Variants in RNF19B observed in about 807,000 individuals in gnomAD.
RNF19B encodes E3 ubiquitin-protein ligase RNF19B.
A neutral mutation model predicts 65.5 loss-of-function variants in RNF19B; 23 were observed. The observed-to-expected ratio is 0.35, with a 90% confidence interval of 0.25 to 0.50. The LOEUF (loss-of-function observed/expected upper bound fraction) is 0.50. RNF19B is among the 20% of genes least tolerant of loss of function. The pLI, the probability that RNF19B is intolerant of heterozygous loss-of-function variation, is 0.98. For synonymous variants in RNF19B, 372 were observed against 379.6 expected, an observed-to-expected ratio of 0.98 and a Z score of 0.23; for missense variants, 794 against 980.0, an observed-to-expected ratio of 0.81 and a Z score of 2.53.
chr1:32,948,995 C>T (rs1642428935), intron 2 of RNF19B, among the ~76,000 whole-genome samples: 1 of 152,214 alleles, frequency 6.6e-6, no homozygotes. Flanking sequence ...ATCTTTCCTA[C>T]TAGCCTCTCC....
At position 32,964,627 on chromosome 1, in the gene RNF19B, G is replaced by A; in HGVS notation, c.59C>T (p.Pro20Leu). 6.8e-7 allele frequency: 1 copy of A among 1,473,174 alleles called. No homozygotes were observed. Among genetic ancestry groups the A allele is most frequent in the East Asian group, 3.1e-5 (1 of 32,610 alleles). 91.3% of individuals were successfully genotyped at this position (1,473,174 alleles called of 1,614,324 possible). ...PRSTSLHAAAPDPKCRSGGRR... is the reference protein window; with the variant it reads ...PRSTSLHAAALDPKCRSGGRR... ...GCCGCCGCTGCGGCACTTAGGGTCG[G>A]GTGCGGCCGCATGTAGCGATGTGGA... The change falls in exon 1 of 9, where the codon CCC becomes CTC. Residue 20 changes from proline (P) to leucine (L), a missense_variant. Around this residue, in one of 3 missense-constraint regions of RNF19B, gnomAD observed 374 missense variants for 423.8 expected, o/e 0.88. Transcript: ENST00000235150. The surrounding 1 kb of genome is among the most constrained non-coding windows in gnomAD (Gnocchi z 6.5).
Position 32,946,441 on chromosome 1 carries a change from A to C in RNF19B, c.1107T>G (p.Pro369=). The change falls in exon 4 of 9, where the codon CCT becomes CCG. Residue 369 remains proline (P), a synonymous_variant. Coordinates refer to ENST00000235150, the MANE Select transcript of RNF19B (RefSeq NM_001300826.2). ...AAACAGGAATGCCAATGACCATGGC[A>C]GGAATGGCAATGCCAGCAATGAGAG... ...GISLIAGIAI[P]AMVIGIPVYV... 1 of 1,614,100 alleles carries C rather than the reference A, an allele frequency of 6.2e-7. No homozygotes were observed. Among genetic ancestry groups the C allele is most frequent in the Non-Finnish European group, 8.5e-7 (1 of 1,179,942 alleles).
Position 32,964,665 on chromosome 1 carries a change from G to C in RNF19B, c.21C>G (p.Ser7=). The C allele has an allele frequency of 1.4e-6, 2 of 1,471,736 alleles. No individual in the cohort carries two copies. The highest frequency in any genetic ancestry group is 1.3e-5 in the South Asian group (1 of 78,146). 91.2% of individuals were successfully genotyped at this position (1,471,736 alleles called of 1,614,324 possible). A position where few individuals can be genotyped will look rare whatever the true frequency, so the allele number is the denominator to read the frequency against. Residue 7 remains serine (S), a synonymous_variant, in exon 1 of 9, where the codon TCC becomes TCG. Transcript: ENST00000235150. The surrounding 1 kb of genome is among the most constrained non-coding windows in gnomAD (Gnocchi z 6.5). The part of the protein sequence containing the change: MGSEKD[S]ESPRSTSLHA... ...GTAGCGATGTGGAGCGCGGCGACTC[G>C]GAGTCCTTCTCGGAGCCCATGGCCG...
chr1:32,942,975 C>T (rs1433988541), intron 6 of RNF19B, among the ~76,000 whole-genome samples: 1 of 150,852 alleles, frequency 6.6e-6, no homozygotes, highest in Non-Finnish European at 1.5e-5. Flanking sequence ...CCCATCTCTA[C>T]TAAAAATACA....
chr1:32,931,384 CG>C, the RNF19B span, among the ~76,000 whole-genome samples: 7 of 152,022 alleles, frequency 4.6e-5, no homozygotes, highest in African/African-American at 1.7e-4. Context: ...GGGTGGGACA[CG>C]AGAAGTATTA....
chr1:32,955,891 TA>T (rs1315944900), intron 1 of RNF19B, among the ~76,000 whole-genome samples: 1 of 152,228 alleles, frequency 6.6e-6, no homozygotes, highest in African/African-American at 2.4e-5. Flanking sequence ...TCAGGCTTGC[TA>T]ATCAGAAGCT....
intron 1 of RNF19B, among the ~76,000 whole-genome samples, chr1:32,960,962 G>A (rs1312857358): frequency 1.3e-5 from 2 of 152,116 alleles, no homozygotes; most frequent in Non-Finnish European, 2.9e-5. Context: ...GCAGTGAGCC[G>A]TGATTGCACC....
Position 32,964,731 on chromosome 1 carries a change from C to G in RNF19B, c.-46G>C. The G allele has an allele frequency of 1.5e-6, 2 of 1,355,672 alleles. No individual in the cohort carries two copies. Among genetic ancestry groups the G allele is most frequent in the African/African-American group, 3.1e-5 (2 of 64,692 alleles). 84.0% of individuals were successfully genotyped at this position (1,355,672 alleles called of 1,614,324 possible). ...CCAGGGGCGCCCAGCGCCGCCACAG[C>G]TCCCGCCTCAGCGCCCCTCAGCCAG... On this transcript the variant is annotated 5_prime_UTR_variant, in exon 1 of 9. Transcript: ENST00000235150. This position sits in a 1 kb window ranked among gnomAD's most constrained non-coding sequence, Gnocchi z 6.5.
intron 1 of RNF19B, among the ~76,000 whole-genome samples, chr1:32,952,748 CA>C (rs36076202): frequency 0.035 from 4,561 of 130,872 alleles, 102 homozygotes; most frequent in African/African-American, 0.062. Flanking sequence ...GACTCCATCT[CA>C]AAAAAAAAAA....
intron 8 of RNF19B, 84 bp downstream of exon 8, chr1:32,938,313 C>T (rs1642155956): frequency 7.1e-7 from 1 of 1,413,096 alleles, no homozygotes; most frequent in African/African-American, 1.4e-5. Flanking sequence ...TACATACAGC[C>T]CTAACATGAG....
chr1:32,938,066 G>A (rs1339358707), intron 8 of RNF19B, among the ~76,000 whole-genome samples: 1 of 125,194 alleles, frequency 8.0e-6, no homozygotes, highest in Non-Finnish European at 1.6e-5. Flanking sequence ...CCCTAGACTT[G>A]AAGACATCAA....
At chr1:32,935,702 C>T (rs1642086569), downstream of RNF19B, among the ~76,000 whole-genome samples, 1 of 152,138 alleles carries the variant, frequency 6.6e-6, no homozygotes, top group Non-Finnish European at 1.5e-5. Context: ...TGTATTTCTT[C>T]CTCCAATAAC....
At position 32,942,213 on chromosome 1, in the gene RNF19B, A is replaced by C. The variant is rs772500341; in HGVS notation, c.1610+39T>G. Reference sequence around the variant, plus strand: ...ATGGCTCAATGTGTTACTTCTTATAATTCTAACCATTTCTGTCAGAAATTA... The same window carrying C: ...ATGGCTCAATGTGTTACTTCTTATACTTCTAACCATTTCTGTCAGAAATTA... On this transcript the variant is annotated intron_variant, in intron 7 of 8. Coordinates refer to ENST00000235150, the MANE Select transcript of RNF19B (RefSeq NM_001300826.2). 46 of 1,535,216 alleles carry C rather than the reference A, an allele frequency of 3.0e-5. No homozygotes were observed. The East Asian group carries it at 1.0e-3, about 34-fold the overall frequency.
chr1:32,952,042 G>A (rs1570107888), intron 1 of RNF19B, among the ~76,000 whole-genome samples: 1 of 146,204 alleles, frequency 6.8e-6, no homozygotes, highest in East Asian at 2.0e-4. Context: ...CTGGTGATTT[G>A]CCTGTCTTGG....
At chr1:32,938,633 G>T in intron 7 of RNF19B, 105 bp from the exon 8 acceptor site, 1 of 1,190,222 alleles carries the variant, frequency 8.4e-7, no homozygotes, top group Non-Finnish European at 1.2e-6. Flanking sequence ...AATTGTGGTT[G>T]TCTGTCTGAT....
intron 1 of RNF19B, among the ~76,000 whole-genome samples, chr1:32,949,997 C>CT (rs765038310): frequency 2.0e-4 from 30 of 151,966 alleles, no homozygotes; most frequent in Non-Finnish European, 3.4e-4. Context: ...CAGTCTTGCT[C>CT]TGTCACCCAG....
chr1:32,944,689 CCTTT>C (rs1157546608), intron 5 of RNF19B, among the ~76,000 whole-genome samples: 11 of 151,924 alleles, frequency 7.2e-5, no homozygotes, highest in South Asian at 2.1e-4. Flanking sequence ...AATTACTGCA[CCTTT>C]CTTTTTTTTT....
At chr1:32,955,131 C>T (rs536453198) in intron 1 of RNF19B, among the ~76,000 whole-genome samples, 1 of 152,186 alleles carries the variant, frequency 6.6e-6, no homozygotes, top group African/African-American at 2.4e-5. Context: ...CCACACTGGA[C>T]TTAAGGAGAC....
At chr1:32,933,958 A>G (rs1642059710), downstream of RNF19B, among the ~76,000 whole-genome samples, 1 of 152,156 alleles carries the variant, frequency 6.6e-6, no homozygotes, top group Non-Finnish European at 1.5e-5. Flanking sequence ...GACTTCTTTG[A>G]TTTTATCAAA....
Sources: gnomAD v4.1 joint callset for allele counts (sites outside exome capture counted in the v4.1 genomes callset) on GRCh38, gnomAD v4.1.1 for gene constraint, gnomAD v4.1.1 regional missense constraint, Gnocchi (gnomAD v3.1) non-coding constraint, MANE v1.5 for transcripts, NCBI Gene and HGNC (gene_info 2026-07-23, HGNC 2026-07-21) for gene names.